The following KCNMA1 variants were observed in gnomAD, a reference collection of about 807,000 sequenced individuals.
KCNMA1 encodes the protein Calcium-activated potassium channel subunit alpha-1.
KCNMA1 carries 29 observed loss-of-function variants against 140.0 expected under a neutral mutation model. The observed-to-expected ratio is 0.21, with a 90% CI of 0.15 to 0.28. KCNMA1 has a LOEUF of 0.28. KCNMA1 is among the 10% of genes least tolerant of loss of function. The pLI is 1.00. For missense variants in KCNMA1, 880 were observed against 1,602.2 expected, an observed-to-expected ratio of 0.55 and a Z score of 7.70; for synonymous variants, 612 against 611.9, an observed-to-expected ratio of 1.00 and a Z score of 0.00.
chr10:77,324,967 C>CTGTGTG (rs1311945252), intron 2 of KCNMA1, among the ~76,000 whole-genome samples: 6 of 97,292 alleles, frequency 6.2e-5, no homozygotes, highest in African/African-American at 3.3e-4. Flanking sequence ...CTCTCTCTCT[C>CTGTGTG]TCTCTGTGTG....
chr10:77,371,608 A>G (rs1047111787), intron 2 of KCNMA1, among the ~76,000 whole-genome samples: 1 of 152,156 alleles, frequency 6.6e-6, no homozygotes, highest in African/African-American at 2.4e-5. Flanking sequence ...TGCTCCCTTC[A>G]TCTGGAAAGA....
chr10:77,584,355 AT>A (rs1192330066), intron 1 of KCNMA1, among the ~76,000 whole-genome samples: 1 of 152,044 alleles, frequency 6.6e-6, no homozygotes, highest in Non-Finnish European at 1.5e-5. Flanking sequence ...TGTTCCATAA[AT>A]GTTTTTGTTT....
chr10:77,341,148 T>C (rs1245355617), intron 2 of KCNMA1, among the ~76,000 whole-genome samples: 2 of 152,224 alleles, frequency 1.3e-5, no homozygotes, highest in Non-Finnish European at 2.9e-5. Context: ...CACCGTTCTG[T>C]ATGTCCGTTG....
chr10:77,009,773 G>A (rs964884572), intron 18 of KCNMA1, among the ~76,000 whole-genome samples: 1 of 152,018 alleles, frequency 6.6e-6, no homozygotes, highest in Non-Finnish European at 1.5e-5. Flanking sequence ...TCCCTATCTG[G>A]ATTGGGTCTT....
chr10:77,298,083 C>T (rs2075664074), intron 2 of KCNMA1, among the ~76,000 whole-genome samples: 2 of 152,148 alleles, frequency 1.3e-5, no homozygotes, highest in South Asian at 4.2e-4. Flanking sequence ...CAAACCAGAT[C>T]CAAGAATTGT....
At chr10:76,889,918 A>T (rs2039147619) in intron 26 of KCNMA1, 4 of 366,272 alleles carry the variant, frequency 1.1e-5, no homozygotes, top group South Asian at 9.7e-5. Context: ...GAGGAGATGA[A>T]CCCTTCTCTG....
chr10:77,549,450 T>G (rs1239189708), intron 1 of KCNMA1, among the ~76,000 whole-genome samples: 1 of 152,184 alleles, frequency 6.6e-6, no homozygotes, highest in East Asian at 1.9e-4. Context: ...AGAGAGGCCT[T>G]AAACTCCTTG....
At chr10:77,112,685 TC>T (rs2097353899) in intron 6 of KCNMA1, among the ~76,000 whole-genome samples, 2 of 152,080 alleles carry the variant, frequency 1.3e-5, no homozygotes, top group African/African-American at 4.8e-5. Context: ...ACTCTTCAAA[TC>T]TACAGAAAAG....
chr10:76,883,985 A>G (rs1000317317), downstream of KCNMA1: 83 of 983,116 alleles, frequency 8.4e-5, no homozygotes, highest in African/African-American at 4.4e-4. Flanking sequence ...ATTCTCAATT[A>G]TCTACCACTG....
chr10:77,618,334 T>G (rs2090276440), intron 1 of KCNMA1, among the ~76,000 whole-genome samples: 2 of 152,170 alleles, frequency 1.3e-5, no homozygotes, highest in South Asian at 4.1e-4. Context: ...ATACACAGTT[T>G]ATCAAACCTC....
intron 13 of KCNMA1, among the ~76,000 whole-genome samples, chr10:77,078,438 A>G (rs565182694): frequency 6.6e-6 from 1 of 152,250 alleles, no homozygotes; most frequent in Non-Finnish European, 1.5e-5. Flanking sequence ...TCACAGGGAA[A>G]CAGCATAGAC....
chr10:77,177,298 C>T (rs1306555632), intron 5 of KCNMA1, among the ~76,000 whole-genome samples: 3 of 147,036 alleles, frequency 2.0e-5, no homozygotes, highest in Admixed American at 6.9e-5. Flanking sequence ...TCTTTCCTTC[C>T]TTCTTTCTTT....
intron 1 of KCNMA1, among the ~76,000 whole-genome samples, chr10:77,410,522 G>A (rs1399275471): frequency 6.6e-6 from 1 of 152,238 alleles, no homozygotes; most frequent in Non-Finnish European, 1.5e-5. Context: ...CCAGGATCTG[G>A]GAAGTTGTTT....
intron 21 of KCNMA1, chr10:76,952,046 C>T (rs1355823614): frequency 1.3e-6 from 2 of 1,551,962 alleles, no homozygotes; most frequent in African/African-American, 2.7e-5. Context: ...CCTCCTTAAA[C>T]TTTTTTATGC....
At chr10:77,359,441 T>C (rs1028580656) in intron 2 of KCNMA1, among the ~76,000 whole-genome samples, 5 of 151,962 alleles carry the variant, frequency 3.3e-5, no homozygotes, top group Non-Finnish European at 7.4e-5. Context: ...CACAGGCCTG[T>C]GGGGTGACAA....
intron 5 of KCNMA1, among the ~76,000 whole-genome samples, chr10:77,131,901 G>T (rs973832079): frequency 1.3e-5 from 2 of 150,804 alleles, no homozygotes; most frequent in Non-Finnish European, 2.9e-5. Flanking sequence ...GGAGGCAGGG[G>T]TTGCAGTGAG....
rs35119991 is a variant in KCNMA1, at chr10:77,108,407, C to CAAA, written c.1223+71_1223+73dup. On this transcript the variant is annotated intron_variant, in intron 9 of 27. Coordinates refer to ENST00000286628, the MANE Select transcript of KCNMA1 (RefSeq NM_001161352.2). This position sits in a 1 kb window ranked among gnomAD's most constrained non-coding sequence, Gnocchi z 4.6. ...ATGCATGAAACAAAGAAACAAGAGC[C>CAAA]AAAAAAAAAAAAAAATGGCATGCAG... The CAAA allele has an allele frequency of 1.4e-6, 2 of 1,405,804 alleles. No homozygotes were observed. The highest frequency in any genetic ancestry group is 1.4e-5 in the African/African-American group (1 of 69,226). 87.1% of individuals were successfully genotyped at this position (1,405,804 alleles called of 1,614,324 possible). A position where few individuals can be genotyped will look rare whatever the true frequency, so the allele number is the denominator to read the frequency against.
intron 16 of KCNMA1, chr10:77,019,501 A>G: frequency 4.3e-6 from 1 of 230,158 alleles, no homozygotes; most frequent in Non-Finnish European, 8.6e-6. Context: ...TGCTACAACA[A>G]TTTTCCATTA....
intron 14 of KCNMA1, among the ~76,000 whole-genome samples, chr10:77,071,041 G>A (rs1461149996): frequency 6.6e-6 from 1 of 152,146 alleles, no homozygotes; most frequent in Non-Finnish European, 1.5e-5. Context: ...AACCCCCAGA[G>A]GAAAATGTGT....
Sources: allele counts gnomAD v4.1 joint callset (sites outside exome capture counted in the v4.1 genomes callset), GRCh38; gene constraint gnomAD v4.1.1; non-coding constraint Gnocchi (gnomAD v3.1); transcripts MANE v1.5; gene names NCBI Gene and HGNC (gene_info 2026-07-23, HGNC 2026-07-21).